SHISA9: variants seen among roughly 807,000 people sequenced by gnomAD.
SHISA9 encodes shisa family member 9.
Under a neutral mutation model 38.0 loss-of-function variants are expected in SHISA9, and 13 were observed. The ratio of observed to expected loss-of-function variants is 0.34; its 90% CI spans 0.22 to 0.54. The LOEUF (loss-of-function observed/expected upper bound fraction) is 0.54. Among genes scored for constraint, SHISA9 ranks in the 20% least tolerant of loss-of-function variants. The probability of loss-of-function intolerance (pLI) is 0.91; values close to 1 mark genes in which losing one functional copy is unlikely to be tolerated. For synonymous variants in SHISA9, 275 were observed against 242.0 expected (o/e 1.14, Z -1.27); for missense variants, 538 against 575.8 (o/e 0.93, Z 0.67).
At chr16:13,526,362 G>A in the SHISA9 span, among the ~76,000 whole-genome samples, 8 of 152,070 alleles carry the variant, frequency 5.3e-5, no homozygotes, top group Non-Finnish European at 8.8e-5. Context: ...ATTGGCTCAG[G>A]TCCTCAGCCA....
chr16:13,181,886 T>C (rs1700691595), intron 2 of SHISA9, among the ~76,000 whole-genome samples: 1 of 152,148 alleles, frequency 6.6e-6, no homozygotes, highest in South Asian at 2.1e-4. Context: ...CACTTAGAAT[T>C]ATTTTAAGGG....
At chr16:13,429,336 G>T in the SHISA9 span, among the ~76,000 whole-genome samples, 2 of 152,128 alleles carry the variant, frequency 1.3e-5, no homozygotes, top group African/African-American at 2.4e-5. Flanking sequence ...AACAGAGTTG[G>T]TTTTTTCTGC....
intron 2 of SHISA9, among the ~76,000 whole-genome samples, chr16:12,920,697 A>C (rs2071316826): frequency 6.6e-6 from 1 of 152,196 alleles, no homozygotes; most frequent in Non-Finnish European, 1.5e-5. Context: ...TATACTCCTC[A>C]CCCACTCTCC....
chr16:13,164,259 G>C (rs1596693901), intron 2 of SHISA9, among the ~76,000 whole-genome samples: 1 of 151,928 alleles, frequency 6.6e-6, no homozygotes, highest in Non-Finnish European at 1.5e-5. Flanking sequence ...GGCTGTTCTT[G>C]TTTAGACTGT....
chr16:13,438,197 G>A, the SHISA9 span, among the ~76,000 whole-genome samples: 1 of 152,142 alleles, frequency 6.6e-6, no homozygotes, highest in Non-Finnish European at 1.5e-5. Flanking sequence ...CAATAACTGT[G>A]AGAATATCTG....
the SHISA9 span, among the ~76,000 whole-genome samples, chr16:13,335,921 T>G: frequency 6.6e-6 from 1 of 152,228 alleles, no homozygotes; most frequent in East Asian, 1.9e-4. Flanking sequence ...ACAGCCTTTG[T>G]TGGATTAATA....
the SHISA9 span, among the ~76,000 whole-genome samples, chr16:13,379,310 C>T: frequency 1.3e-5 from 2 of 152,206 alleles, no homozygotes; most frequent in Non-Finnish European, 2.9e-5. Flanking sequence ...ATGAATAATG[C>T]TGCATATTAA....
the SHISA9 span, among the ~76,000 whole-genome samples, chr16:13,366,741 G>C: frequency 6.6e-6 from 1 of 151,500 alleles, no homozygotes; most frequent in African/African-American, 2.4e-5. Context: ...TTATCCCAGC[G>C]CTTTGGGAGG....
At chr16:13,226,407 G>A (rs969951579) in intron 4 of SHISA9, among the ~76,000 whole-genome samples, 5 of 152,202 alleles carry the variant, frequency 3.3e-5, no homozygotes, top group Non-Finnish European at 7.3e-5. Flanking sequence ...AGAATGGTTA[G>A]TTAAATGAAT....
At chr16:12,998,334 A>T (rs932417723) in intron 2 of SHISA9, among the ~76,000 whole-genome samples, 3 of 152,246 alleles carry the variant, frequency 2.0e-5, no homozygotes, top group Non-Finnish European at 4.4e-5. Flanking sequence ...TTTCTTGCTC[A>T]TGTGGCACTT....
At chr16:13,041,467 C>T (rs530365670) in intron 2 of SHISA9, among the ~76,000 whole-genome samples, 40 of 152,170 alleles carry the variant, frequency 2.6e-4, no homozygotes, top group Admixed American at 1.4e-3. Flanking sequence ...TGTTCTATTC[C>T]CTGTTGGAGC....
chr16:12,994,519 C>A (rs1879630859), intron 2 of SHISA9, among the ~76,000 whole-genome samples: 1 of 152,104 alleles, frequency 6.6e-6, no homozygotes, highest in Non-Finnish European at 1.5e-5. Flanking sequence ...AATGACAAGC[C>A]CCAGATTTAT....
At chr16:13,070,200 C>T (rs994516563) in intron 2 of SHISA9, among the ~76,000 whole-genome samples, 3 of 151,546 alleles carry the variant, frequency 2.0e-5, no homozygotes, top group Non-Finnish European at 2.9e-5. Context: ...TGGAATTCCT[C>T]CTCTTCTCCC....
chr16:13,219,473 A>G (rs1238269124), intron 4 of SHISA9, among the ~76,000 whole-genome samples: 3 of 152,210 alleles, frequency 2.0e-5, no homozygotes, highest in Non-Finnish European at 4.4e-5. Flanking sequence ...AGCTTGGTAT[A>G]TAACAGGTGC....
chr16:12,966,701 C>A (rs559721737), intron 2 of SHISA9, among the ~76,000 whole-genome samples: 2 of 152,216 alleles, frequency 1.3e-5, no homozygotes, highest in Non-Finnish European at 2.9e-5. Context: ...AAGGCCCTGT[C>A]TCATTCATTT....
chr16:13,035,039 A>T (rs1394736377), intron 2 of SHISA9, among the ~76,000 whole-genome samples: 1 of 152,234 alleles, frequency 6.6e-6, no homozygotes, highest in Non-Finnish European at 1.5e-5. Flanking sequence ...GGGTGGTTTT[A>T]ACATCAACAT....
the SHISA9 span, among the ~76,000 whole-genome samples, chr16:13,435,397 G>T: frequency 6.6e-6 from 1 of 152,212 alleles, no homozygotes; most frequent in Non-Finnish European, 1.5e-5. Flanking sequence ...TCAGGCAAAT[G>T]ACAGTAAACT....
At chr16:13,195,319 G>A (rs185349646) in intron 2 of SHISA9, among the ~76,000 whole-genome samples, 126 of 152,234 alleles carry the variant, frequency 8.3e-4, no homozygotes, top group Non-Finnish European at 1.4e-3. Flanking sequence ...AATAGTTTCC[G>A]ATTCCCAAAT....
chr16:12,955,377 G>A (rs1388433971), intron 2 of SHISA9, among the ~76,000 whole-genome samples: 1 of 152,158 alleles, frequency 6.6e-6, no homozygotes, highest in African/African-American at 2.4e-5. Context: ...AGCACATTCA[G>A]TCTCTGGGCA....
Sources: allele counts gnomAD v4.1 joint callset (sites outside exome capture counted in the v4.1 genomes callset), GRCh38; gene constraint gnomAD v4.1.1; transcripts MANE v1.5; gene names NCBI Gene and HGNC (gene_info 2026-07-23, HGNC 2026-07-21).